Variants in DNAJC7 observed in about 807,000 individuals in gnomAD.
The protein encoded by DNAJC7 is dnaJ homolog subfamily C member 7.
A neutral mutation model predicts 67.4 loss-of-function variants in DNAJC7; 18 were observed. That is an observed-to-expected ratio of 0.27 (90% CI 0.18 to 0.40). The LOEUF is 0.40. DNAJC7 is among the 10% of genes least tolerant of loss of function. The pLI is 1.00. For missense variants in DNAJC7, 419 were observed against 613.8 expected, an observed-to-expected ratio of 0.68 and a Z score of 3.35; for synonymous variants, 220 against 207.8, an observed-to-expected ratio of 1.06 and a Z score of -0.50.
intron 9 of DNAJC7, chr17:41,984,344 C>G (rs1360200659): frequency 6.9e-6 from 1 of 144,064 alleles, no homozygotes; most frequent in Non-Finnish European, 1.5e-5. Flanking sequence ...CGCTCTGTTG[C>G]CCAGACTGCA....
chr17:42,011,545 G>C (rs908687016), intron 1 of DNAJC7: 3 of 152,104 alleles, frequency 2.0e-5, no homozygotes, highest in Non-Finnish European at 2.9e-5. Flanking sequence ...TTAATTTGCC[G>C]GTATTGAGAA....
intron 5 of DNAJC7, among the ~76,000 whole-genome samples, chr17:41,990,693 G>A (rs780275766): frequency 7.8e-4 from 116 of 148,472 alleles, no homozygotes; most frequent in Non-Finnish European, 8.6e-4. Context: ...TTGAGATGGA[G>A]TCTCACTCTG....
At chr17:42,014,401 C>G (rs1310622516) in intron 1 of DNAJC7, 1 of 151,850 alleles carries the variant, frequency 6.6e-6, no homozygotes, top group African/African-American at 2.4e-5. Flanking sequence ...CTCCTGACCT[C>G]GTGATCCGCC....
In DNAJC7 at chr17:41,983,897, A is replaced by G. The variant is rs187283712; in HGVS notation, c.1011-261T>C. On this transcript the variant is annotated intron_variant, in intron 9 of 13. Coordinates refer to ENST00000457167, the MANE Select transcript of DNAJC7 (RefSeq NM_003315.4). The stretch of plus-strand genomic sequence containing the variant: ...GAGCAGAAAGTAATCAAGAGGAAAA[A>G]GTTCCTTCTGACACACAGCCACCTA... 1.4e-4 allele frequency among the ~76,000 whole-genome samples: 21 copies of G among 152,392 alleles called. No individual in the cohort carries two copies. In the East Asian group the frequency reaches 3.9e-3, roughly 28 times the overall value.
At position 41,983,386 on chromosome 17, in the gene DNAJC7, A is replaced by T. The variant is rs572974037; in HGVS notation, c.1084+177T>A. ...TGATCTGCCTGCCTCAGCCTCCCAA[A>T]GTGCTGGGGATTACAGGCGTGAGCC... On this transcript the variant is annotated intron_variant, in intron 10 of 13. Coordinates refer to ENST00000457167, the MANE Select transcript of DNAJC7 (RefSeq NM_003315.4). Among the ~76,000 whole-genome samples the T allele has an allele frequency of 3.9e-5, 6 of 152,248 alleles. No individual in the cohort carries two copies. In the East Asian group the frequency reaches 9.6e-4, roughly 24 times the overall value.
Position 41,977,512 on chromosome 17 carries a change from C to G in DNAJC7, c.1385-189G>C, listed in dbSNP as rs911603732. 8 of 530,960 alleles carry G rather than the reference C, an allele frequency of 1.5e-5. No individual in the cohort carries two copies. In the Admixed American group the frequency reaches 2.6e-4, roughly 17 times the overall value. 32.9% of individuals were successfully genotyped at this position (530,960 alleles called of 1,614,324 possible). A position where few individuals can be genotyped will look rare whatever the true frequency, so the allele number is the denominator to read the frequency against. Reference sequence around the variant, plus strand: ...TCCCGTGCAAAACATGCTACCTGATCCCACTCCTAGGACATGTTCCCTTCT... The same window carrying G: ...TCCCGTGCAAAACATGCTACCTGATGCCACTCCTAGGACATGTTCCCTTCT... On this transcript the variant is annotated intron_variant, in intron 12 of 13. Coordinates refer to ENST00000457167, the MANE Select transcript of DNAJC7 (RefSeq NM_003315.4).
At position 41,987,859 on chromosome 17, in the gene DNAJC7, C is replaced by G; in HGVS notation, c.970G>C (p.Asp324His). The change falls in exon 9 of 14, where the codon GAT becomes CAT. Residue 324 changes from aspartate to histidine, a missense_variant. This residue lies in a region of DNAJC7 where 161 missense variants were observed against 252.2 expected (regional missense o/e 0.64). Transcript: ENST00000457167. ...AAGTAGGCTTTTATGTAAGTGTCAT[C>G]AAGCTTCACTGCATTTGTGCAGTCT... The part of the protein sequence containing the change: ...IEDCTNAVKL[D>H]DTYIKAYLRR... 6.2e-7 allele frequency: 1 copy of G among 1,612,024 alleles called. No individual in the cohort carries two copies. The highest frequency in any genetic ancestry group is 1.1e-5 in the South Asian group (1 of 90,610).
At chr17:41,991,388 T>C (rs1042445539) in intron 5 of DNAJC7, among the ~76,000 whole-genome samples, 16 of 152,268 alleles carry the variant, frequency 1.1e-4, no homozygotes, top group Non-Finnish European at 1.0e-4. Flanking sequence ...TGGAATACTA[T>C]ATAGTTCTAA....
intron 3 of DNAJC7, 105 bp from the exon 4 acceptor site, chr17:41,996,529 C>T (rs570750747): frequency 2.6e-4 from 232 of 905,938 alleles, no homozygotes; most frequent in Non-Finnish European, 3.5e-4. Context: ...AGGCCAGGCG[C>T]GGTGACTCAC....
In DNAJC7 at chr17:41,996,373, C is replaced by A; in HGVS notation, c.343G>T (p.Ala115Ser). ...CHLSLGNAMA[A>S]CRSFQRALEL... ...AGGGCTCTCTGGAAGCTGCGACATG[C>A]TGCCATGGCATTCCCCAGAGAGAGG... The change falls in exon 4 of 14, where the codon GCA (alanine) becomes TCA (serine). Residue 115 changes from alanine to serine, a missense_variant. Physicochemically the swap from Ala to Ser is moderately conservative, Grantham distance 99. Coordinates refer to ENST00000457167, the MANE Select transcript of DNAJC7 (RefSeq NM_003315.4). 6.2e-7 allele frequency: 1 copy of A among 1,614,030 alleles called. No homozygotes were observed. The highest frequency in any genetic ancestry group is 8.5e-7 in the Non-Finnish European group (1 of 1,179,890).
chr17:41,986,638 C>A (rs1193170413), intron 9 of DNAJC7, among the ~76,000 whole-genome samples: 1 of 149,160 alleles, frequency 6.7e-6, no homozygotes, highest in East Asian at 2.0e-4. Context: ...TCAAAGGGTG[C>A]TTTTTTTGTC....
At chr17:42,000,617 A>AC in intron 1 of DNAJC7, 47 bp from the exon 2 acceptor site, 1 of 1,408,376 alleles carries the variant, frequency 7.1e-7, no homozygotes, top group Non-Finnish European at 9.9e-7. Flanking sequence ...CAAAGGGAAT[A>AC]ACCTCTGTAA....
intron 8 of DNAJC7, among the ~76,000 whole-genome samples, 159 bp downstream of exon 8, chr17:41,988,573 C>T (rs1484425839): frequency 6.6e-6 from 1 of 152,182 alleles, no homozygotes; most frequent in Non-Finnish European, 1.5e-5. Flanking sequence ...ATAGAGATGA[C>T]AAAAGCTTGC....
intron 13 of DNAJC7, 67 bp from the exon 14 acceptor site, chr17:41,976,837 T>C (rs1275085222): frequency 1.9e-6 from 3 of 1,575,238 alleles, no homozygotes; most frequent in Non-Finnish European, 2.6e-6. Context: ...TTGCTCTGAT[T>C]ATGGAAAAGT....
rs1344612370 is a variant in DNAJC7, at chr17:41,981,196, CTTA to C, written c.1384+656_1384+658del. On this transcript the variant is annotated intron_variant, in intron 12 of 13. Transcript: ENST00000457167. ...GGCTAATTTTTCTTTTTTCTTTCTT[CTTA>C]TTATTTTTTTTAATTGAGACAAAGT... 7.2e-5 allele frequency among the ~76,000 whole-genome samples: 11 copies of C among 151,774 alleles called. No individual in the cohort carries two copies. The South Asian group carries it at 8.3e-4, about 12-fold the overall frequency.
intron 1 of DNAJC7, among the ~76,000 whole-genome samples, chr17:42,001,579 A>G (rs901380462): frequency 3.3e-5 from 5 of 152,188 alleles, no homozygotes; most frequent in African/African-American, 1.2e-4. Context: ...TTACTGCAAC[A>G]TTAACTAAGT....
At chr17:41,984,398 G>A (rs1049130186) in intron 9 of DNAJC7, 3 of 151,472 alleles carry the variant, frequency 2.0e-5, no homozygotes, top group Admixed American at 2.0e-4. Flanking sequence ...CCGCCTCCTG[G>A]GTTCACGCCA....
At chr17:42,002,084 C>A (rs2051822344) in intron 1 of DNAJC7, among the ~76,000 whole-genome samples, 2 of 152,158 alleles carry the variant, frequency 1.3e-5, no homozygotes, top group Admixed American at 1.3e-4. Context: ...TGGTATTCAC[C>A]ATCCTGTAAC....
At chr17:42,015,374 G>A (rs782668472) in intron 1 of DNAJC7, 3 of 152,064 alleles carry the variant, frequency 2.0e-5, no homozygotes, top group African/African-American at 7.3e-5. Context: ...TCACATTACA[G>A]CATAACCTAT....
Sources: allele counts gnomAD v4.1 joint callset (sites outside exome capture counted in the v4.1 genomes callset), GRCh38; gene constraint gnomAD v4.1.1; regional missense constraint gnomAD v4.1.1; transcripts MANE v1.5; gene names NCBI Gene and HGNC (gene_info 2026-07-23, HGNC 2026-07-21).